Variants in VPS53 observed in about 807,000 individuals in gnomAD.
VPS53 encodes VPS53 subunit of GARP complex.
In VPS53, 70 loss-of-function variants were observed where a neutral mutation model predicts 107.0. That is an observed-to-expected ratio of 0.65 (90% CI 0.54 to 0.80). VPS53 has a LOEUF of 0.80. Ranked by LOEUF, VPS53 falls within the 30% of genes least tolerant of loss-of-function variation. The pLI, the probability that VPS53 is intolerant of heterozygous loss-of-function variation, is 0.00. For missense variants in VPS53, 917 were observed against 1,049.4 expected (o/e 0.87, Z 1.74); for synonymous variants, 409 against 393.3 (o/e 1.04, Z -0.47).
At chr17:655,622 T>A (rs1396228831) in intron 6 of VPS53, among the ~76,000 whole-genome samples, 1 of 152,148 alleles carries the variant, frequency 6.6e-6, no homozygotes, top group Non-Finnish European at 1.5e-5. Flanking sequence ...CTGAAAGGCT[T>A]CTGGGGTCCC....
At chr17:680,890 C>T (rs952713899) in intron 4 of VPS53, among the ~76,000 whole-genome samples, 23 of 152,182 alleles carry the variant, frequency 1.5e-4, no homozygotes, top group African/African-American at 5.3e-4. Flanking sequence ...ATTTCTAAAA[C>T]TTTTTGACCT....
intron 7 of VPS53, among the ~76,000 whole-genome samples, chr17:650,381 T>C (rs1970892980): frequency 6.6e-6 from 1 of 151,978 alleles, no homozygotes. Context: ...CCTGTATTCC[T>C]GGCTACTCAG....
intron 4 of VPS53, among the ~76,000 whole-genome samples, chr17:677,580 T>A (rs1344062967): frequency 6.6e-6 from 1 of 152,106 alleles, no homozygotes; most frequent in East Asian, 1.9e-4. Context: ...TACCACTAAT[T>A]ATACACTTAA....
intron 4 of VPS53, among the ~76,000 whole-genome samples, chr17:665,275 C>T (rs71355297): frequency 0.17 from 25,313 of 151,754 alleles, 2,705 homozygotes; most frequent in South Asian, 0.24. Flanking sequence ...CGCCGCAGGA[C>T]GACATGGTGA....
At chr17:534,595 C>T (rs1015012367) in intron 18 of VPS53, among the ~76,000 whole-genome samples, 22 of 152,256 alleles carry the variant, frequency 1.4e-4, no homozygotes, top group African/African-American at 4.1e-4. Context: ...GTGCACACAG[C>T]GCTTTGTAAC....
At chr17:634,286 T>A (rs900914768) in intron 7 of VPS53, among the ~76,000 whole-genome samples, 1 of 152,210 alleles carries the variant, frequency 6.6e-6, no homozygotes, top group Non-Finnish European at 1.5e-5. Flanking sequence ...TGACAGCACC[T>A]GGTATCACCA....
At position 532,911 on chromosome 17, in the gene VPS53, G is replaced by A. The variant is rs146236757; in HGVS notation, c.2016C>T (p.Asn672=). ...YFTQFCVKFA[N]SFIPKFITHL... Reference sequence around the variant, plus strand: ...GGGTGATGAATTTGGGAATGAAGGAGCTGTGGATAAAAAAGAAGTGACAAA... The same window carrying A: ...GGGTGATGAATTTGGGAATGAAGGAACTGTGGATAAAAAAGAAGTGACAAA... The change falls in exon 19 of 22, where the codon AAC becomes AAT. Residue 672 remains asparagine, a splice_region_variant and synonymous_variant. Transcript: ENST00000437048. The A allele has an allele frequency of 8.0e-5, 129 of 1,613,336 alleles. No homozygotes were observed. Among genetic ancestry groups the A allele is most frequent in the Non-Finnish European group, 8.6e-5 (102 of 1,179,688 alleles).
At chr17:561,268 C>T (rs1912945178) in intron 14 of VPS53, among the ~76,000 whole-genome samples, 1 of 152,226 alleles carries the variant, frequency 6.6e-6, no homozygotes, top group African/African-American at 2.4e-5. Flanking sequence ...GCAGCCCCAG[C>T]TACTGAGTGA....
intron 5 of VPS53, among the ~76,000 whole-genome samples, chr17:658,974 T>A (rs1971332055): frequency 6.6e-6 from 1 of 151,878 alleles, no homozygotes. Flanking sequence ...GCCTCTTTCA[T>A]GGGGACTTCC....
rs569089272 is a variant in VPS53, at chr17:663,132, G to C, written c.286-1237C>G. ...GTGGGAAGATTACTTGAGCCTGGGAGGTCAAGGCTGCAGTGAACTGTGATC... is the reference window on the plus strand; with the variant it reads ...GTGGGAAGATTACTTGAGCCTGGGACGTCAAGGCTGCAGTGAACTGTGATC... On this transcript the variant is annotated intron_variant, in intron 4 of 21. Coordinates refer to ENST00000437048, the MANE Select transcript of VPS53 (RefSeq NM_001128159.3). 5.3e-5 allele frequency among the ~76,000 whole-genome samples: 8 copies of C among 152,200 alleles called. No homozygotes were observed. In the South Asian group the frequency reaches 8.3e-4, roughly 16 times the overall value.
intron 7 of VPS53, among the ~76,000 whole-genome samples, chr17:644,492 T>C (rs373379656): frequency 6.6e-6 from 1 of 152,184 alleles, no homozygotes; most frequent in Middle Eastern, 3.2e-3. Context: ...GTCTGGACTT[T>C]TCTCAAACGT....
chr17:620,678 A>ATTTTT (rs67264596), intron 11 of VPS53, among the ~76,000 whole-genome samples: 1 of 140,200 alleles, frequency 7.1e-6, no homozygotes, highest in African/African-American at 2.6e-5. Flanking sequence ...TCTACATTCT[A>ATTTTT]TTTTTTTTTT....
At chr17:644,514 TA>T (rs1407002947) in intron 7 of VPS53, among the ~76,000 whole-genome samples, 1 of 151,982 alleles carries the variant, frequency 6.6e-6, no homozygotes, top group East Asian at 1.9e-4. Context: ...TAGTACCTCT[TA>T]AAAAAACAAT....
At chr17:593,602 C>T (rs1159116314) in intron 12 of VPS53, among the ~76,000 whole-genome samples, 4 of 152,158 alleles carry the variant, frequency 2.6e-5, no homozygotes, top group East Asian at 1.9e-4. Flanking sequence ...ATCAAAACCA[C>T]GATGAGATAC....
At chr17:536,946 GCTGTGAAC>G (rs1376469871) in intron 18 of VPS53, 74 bp downstream of exon 18, 1 of 1,536,996 alleles carries the variant, frequency 6.5e-7, no homozygotes, top group Non-Finnish European at 8.8e-7. Context: ...GCTTAATTTG[GCTGTGAAC>G]CTGAAACTGT....
chr17:577,855 C>T (rs1259080190), intron 13 of VPS53, among the ~76,000 whole-genome samples: 6 of 151,534 alleles, frequency 4.0e-5, no homozygotes, highest in Non-Finnish European at 8.8e-5. Context: ...CAGTGCATTA[C>T]CAGAGAACCA....
chr17:605,768 T>G, intron 11 of VPS53, among the ~76,000 whole-genome samples: 1 of 116,866 alleles, frequency 8.6e-6, no homozygotes, highest in African/African-American at 3.4e-5. Flanking sequence ...GTGGCAAGAG[T>G]CGCATCATAT....
intron 13 of VPS53, among the ~76,000 whole-genome samples, chr17:574,097 T>C (rs1914408634): frequency 6.6e-6 from 1 of 152,216 alleles, no homozygotes; most frequent in Non-Finnish European, 1.5e-5. Flanking sequence ...TTTGTCTGAC[T>C]ATCTCTCTTG....
chr17:545,818 A>G (rs906490044), intron 17 of VPS53, among the ~76,000 whole-genome samples: 2 of 152,260 alleles, frequency 1.3e-5, no homozygotes, highest in African/African-American at 4.8e-5. Flanking sequence ...TAGTCTAGGT[A>G]CTATGGTGTC....
Sources: gnomAD v4.1 joint callset for allele counts (sites outside exome capture counted in the v4.1 genomes callset) on GRCh38, gnomAD v4.1.1 for gene constraint, MANE v1.5 for transcripts, NCBI Gene and HGNC (gene_info 2026-07-23, HGNC 2026-07-21) for gene names.